TMEM248: variants seen among roughly 807,000 people sequenced by gnomAD.
TMEM248 encodes the protein transmembrane protein 248, also known as UPF0458 protein C7orf42.
TMEM248 carries 9 observed loss-of-function variants against 30.3 expected under a neutral mutation model. The ratio of observed to expected loss-of-function variants is 0.30; its 90% confidence interval spans 0.18 to 0.52. The LOEUF is 0.52. Among genes scored for constraint, TMEM248 ranks in the 20% least tolerant of loss-of-function variants. TMEM248 has a pLI of 0.97. For synonymous variants in TMEM248, 184 were observed against 154.4 expected (o/e 1.19, Z -1.42); for missense variants, 338 against 403.3 (o/e 0.84, Z 1.39).
chr7:66,950,146 A>T (rs1005956992), intron 4 of TMEM248, among the ~76,000 whole-genome samples: 1 of 151,978 alleles, frequency 6.6e-6, no homozygotes, highest in Admixed American at 6.6e-5. Context: ...GAATCAGTTC[A>T]ACATGGGAGG....
chr7:66,928,331 TG>T (rs1209854383), intron 1 of TMEM248, among the ~76,000 whole-genome samples: 9 of 152,010 alleles, frequency 5.9e-5, no homozygotes, highest in African/African-American at 1.9e-4. Flanking sequence ...GCATGTGAGT[TG>T]TTTTTTTTTT....
At chr7:66,952,180 C>T (rs1206787482) in intron 5 of TMEM248, among the ~76,000 whole-genome samples, 1 of 152,024 alleles carries the variant, frequency 6.6e-6, no homozygotes, top group Non-Finnish European at 1.5e-5. Context: ...ACCTCTGCCT[C>T]CTGGATTGAA....
chr7:66,936,690 G>A (rs1354251578), intron 1 of TMEM248, among the ~76,000 whole-genome samples: 2 of 152,106 alleles, frequency 1.3e-5, no homozygotes, highest in African/African-American at 2.4e-5. Flanking sequence ...GTCTTGGTAG[G>A]TTGTGTGTGT....
chr7:66,953,088 G>C, intron 5 of TMEM248, 138 bp from the exon 6 acceptor site: 2 of 946,278 alleles, frequency 2.1e-6, no homozygotes. Context: ...GGCAAAAGGA[G>C]AAACCTCCTC....
rs1039900246 is a variant in TMEM248, at chr7:66,956,825, C to G, written c.*1303C>G. ...AGTAGCTGGGACTACAGGCGTGTGC[C>G]AGCGCGCCTGGCTAATTTTAAAATT... On this transcript the variant is annotated 3_prime_UTR_variant, in exon 7 of 7. Transcript: ENST00000341567. 2 of 152,082 alleles carry G rather than the reference C, an allele frequency of 1.3e-5. No individual in the cohort carries two copies. The highest frequency in any genetic ancestry group is 4.8e-5 in the African/African-American group (2 of 41,398). 9.4% of individuals were successfully genotyped at this position (152,082 alleles called of 1,614,324 possible).
intron 1 of TMEM248, among the ~76,000 whole-genome samples, chr7:66,924,952 G>T (rs942787652): frequency 3.0e-4 from 45 of 151,780 alleles, no homozygotes; most frequent in African/African-American, 1.1e-3. Context: ...CTCGTGATCC[G>T]CCCGCCTTGG....
rs371877173 is a variant in TMEM248, at chr7:66,953,218, T to G, written c.781-8T>G. ...ATGTTTCTGATTTTTTTTCTCTTCT[T>G]TATTTAGGATGACCGTTCATTAATA... On this transcript the variant is annotated splice_polypyrimidine_tract_variant and splice_region_variant and intron_variant, in intron 5 of 6. Coordinates refer to ENST00000341567, the MANE Select transcript of TMEM248 (RefSeq NM_017994.5). The G allele has an allele frequency of 1.9e-6, 3 of 1,613,478 alleles. No individual in the cohort carries two copies. In the African/African-American group the frequency reaches 4.0e-5, roughly 22 times the overall value.
intron 5 of TMEM248, among the ~76,000 whole-genome samples, chr7:66,952,965 G>C (rs765478943): frequency 1.3e-5 from 2 of 152,190 alleles, no homozygotes; most frequent in African/African-American, 2.4e-5. Context: ...CAGGCAGTGT[G>C]GGGGTGCAGA....
At chr7:66,954,615 T>A (rs1168044277) in intron 6 of TMEM248, among the ~76,000 whole-genome samples, 1 of 152,128 alleles carries the variant, frequency 6.6e-6, no homozygotes, top group Admixed American at 6.6e-5. Context: ...TAGGCTGGTC[T>A]TGAATTCCTG....
At position 66,953,446 on chromosome 7, in the gene TMEM248, T is replaced by C. The variant is rs926212962; in HGVS notation, c.924+77T>C. 11 of 1,543,740 alleles carry C rather than the reference T, an allele frequency of 7.1e-6. No homozygotes were observed. The Admixed American group carries it at 2.2e-4, about 31-fold the overall frequency. On this transcript the variant is annotated intron_variant, in intron 6 of 6. Transcript: ENST00000341567. Reference sequence around the variant, plus strand: ...CAGAAAGTCCCAGTTATCCTTATTCTATTTATTGTGGGTGGCACCTTTCGT... The same window carrying C: ...CAGAAAGTCCCAGTTATCCTTATTCCATTTATTGTGGGTGGCACCTTTCGT...
chr7:66,951,194 A>G (rs1792261328), intron 5 of TMEM248, 59 bp downstream of exon 5: 4 of 1,452,814 alleles, frequency 2.8e-6, no homozygotes, highest in Non-Finnish European at 2.7e-6. Flanking sequence ...ATGTGTGCGC[A>G]TGTGCTGCAA....
At chr7:66,932,105 G>A (rs1044821305) in intron 1 of TMEM248, among the ~76,000 whole-genome samples, 1 of 151,930 alleles carries the variant, frequency 6.6e-6, no homozygotes, top group Admixed American at 6.6e-5. Context: ...CACCCATCCG[G>A]CCTTCCTCCT....
intron 6 of TMEM248, 112 bp from the exon 7 acceptor site, chr7:66,955,390 T>C (rs1792375191): frequency 8.0e-7 from 1 of 1,245,500 alleles, no homozygotes; most frequent in African/African-American, 1.5e-5. Flanking sequence ...ATTTAGTAAC[T>C]TCACTGTCTG....
chr7:66,952,454 G>A (rs1356019983), intron 5 of TMEM248, among the ~76,000 whole-genome samples: 2 of 152,236 alleles, frequency 1.3e-5, no homozygotes, highest in Non-Finnish European at 2.9e-5. Flanking sequence ...GGTGGGCTGA[G>A]GCCCTTAGTG....
chr7:66,929,521 C>T (rs966143622), intron 1 of TMEM248, among the ~76,000 whole-genome samples: 1 of 148,400 alleles, frequency 6.7e-6, no homozygotes, highest in Non-Finnish European at 1.5e-5. Flanking sequence ...ACTGCAACCT[C>T]CGCCTCCCGG....
intron 2 of TMEM248, among the ~76,000 whole-genome samples, chr7:66,942,786 G>A (rs748635212): frequency 6.0e-5 from 9 of 150,880 alleles, no homozygotes; most frequent in African/African-American, 2.2e-4. Context: ...GTGAGCCACC[G>A]CATCCAGCCT....
intron 2 of TMEM248, among the ~76,000 whole-genome samples, chr7:66,943,086 C>G (rs575021235): frequency 6.6e-5 from 10 of 151,916 alleles, no homozygotes; most frequent in Admixed American, 1.3e-4. Flanking sequence ...GCTATTTCTA[C>G]CATGTAACCC....
intron 3 of TMEM248, among the ~76,000 whole-genome samples, chr7:66,945,975 T>G (rs1446117799): frequency 1.3e-5 from 2 of 151,784 alleles, no homozygotes; most frequent in Non-Finnish European, 2.9e-5. Flanking sequence ...TCCCAGCTAC[T>G]CGGGTGGCTG....
intron 6 of TMEM248, 95 bp downstream of exon 6, chr7:66,953,464 C>A: frequency 6.7e-7 from 1 of 1,483,440 alleles, no homozygotes; most frequent in Non-Finnish European, 9.1e-7. Flanking sequence ...GTGGGTGGCA[C>A]CTTTCGTCTA....
Sources: gnomAD v4.1 joint callset for allele counts (sites outside exome capture counted in the v4.1 genomes callset) on GRCh38, gnomAD v4.1.1 for gene constraint, MANE v1.5 for transcripts, NCBI Gene and HGNC (gene_info 2026-07-23, HGNC 2026-07-21) for gene names.